Variants in NPAS3 observed in about 807,000 individuals in gnomAD.
NPAS3 encodes the protein neuronal PAS domain-containing protein 3.
In NPAS3, 14 loss-of-function variants were observed where a neutral mutation model predicts 73.1. The observed-to-expected ratio is 0.19, with a 90% confidence interval of 0.13 to 0.30. The LOEUF (loss-of-function observed/expected upper bound fraction) is 0.30. Ranked by LOEUF, NPAS3 falls within the 10% of genes least tolerant of loss-of-function variation. The probability of loss-of-function intolerance (pLI) is 1.00; values close to 1 mark genes in which losing one functional copy is unlikely to be tolerated. For missense variants in NPAS3, 1,096 were observed against 1,250.0 expected (o/e 0.88, Z 1.86); for synonymous variants, 620 against 541.5 (o/e 1.14, Z -2.01).
At chr14:33,752,913 A>G (rs769494143) in intron 7 of NPAS3, among the ~76,000 whole-genome samples, 19 of 152,140 alleles carry the variant, frequency 1.2e-4, no homozygotes, top group Non-Finnish European at 2.4e-4. Context: ...TAATATGGGC[A>G]CTTAGCAAGA....
intron 3 of NPAS3, among the ~76,000 whole-genome samples, chr14:33,236,700 G>A (rs1271932172): frequency 2.0e-5 from 3 of 151,664 alleles, no homozygotes; most frequent in Non-Finnish European, 4.4e-5. Flanking sequence ...GACATTCCCA[G>A]GTCTGGCTTC....
At chr14:33,110,764 C>G (rs950820551) in intron 2 of NPAS3, among the ~76,000 whole-genome samples, 1 of 151,904 alleles carries the variant, frequency 6.6e-6, no homozygotes, top group African/African-American at 2.4e-5. Flanking sequence ...ATTTCTATAT[C>G]TCTAGGTTCA....
intron 3 of NPAS3, among the ~76,000 whole-genome samples, chr14:33,293,582 T>C (rs888802017): frequency 2.0e-5 from 3 of 152,266 alleles, no homozygotes; most frequent in East Asian, 1.9e-4. Context: ...TTCAATAATA[T>C]GGTGGAAAGC....
chr14:33,655,321 A>ACCT (rs2059113649), intron 5 of NPAS3, among the ~76,000 whole-genome samples: 1 of 136,328 alleles, frequency 7.3e-6, no homozygotes, highest in Admixed American at 7.5e-5. Flanking sequence ...TTCTCTATAT[A>ACCT]CCTTTGGCTC....
At chr14:33,744,798 A>AAAT (rs577889559) in intron 7 of NPAS3, among the ~76,000 whole-genome samples, 371 of 151,608 alleles carry the variant, frequency 2.4e-3, no homozygotes, top group African/African-American at 8.1e-3. Context: ...CCAAAAAAGC[A>AAAT]AATAATAATA....
chr14:33,552,617 C>T (rs558687971), intron 4 of NPAS3, among the ~76,000 whole-genome samples: 4 of 151,006 alleles, frequency 2.6e-5, no homozygotes, highest in Admixed American at 6.6e-5. Flanking sequence ...TTCCAGTAGT[C>T]TATATTCGAC....
chr14:33,358,393 G>C (rs1321442041), intron 3 of NPAS3, among the ~76,000 whole-genome samples: 2 of 152,158 alleles, frequency 1.3e-5, no homozygotes, highest in Non-Finnish European at 2.9e-5. Flanking sequence ...CTAAGAATAT[G>C]ACAGTCCATC....
At chr14:33,029,398 A>G (rs1473553959) in intron 1 of NPAS3, among the ~76,000 whole-genome samples, 2 of 152,188 alleles carry the variant, frequency 1.3e-5, no homozygotes, top group African/African-American at 4.8e-5. Flanking sequence ...GAAGGGGATC[A>G]TCTAATAATC....
intron 4 of NPAS3, among the ~76,000 whole-genome samples, chr14:33,371,035 A>G (rs148899298): frequency 1.1e-3 from 165 of 152,286 alleles, no homozygotes; most frequent in Non-Finnish European, 1.9e-3. Flanking sequence ...TTACAGCCCT[A>G]TGGAAATGAT....
intron 3 of NPAS3, among the ~76,000 whole-genome samples, chr14:33,268,641 C>G (rs1256413286): frequency 2.6e-5 from 4 of 152,186 alleles, no homozygotes; most frequent in Non-Finnish European, 5.9e-5. Flanking sequence ...ATGCCTATCA[C>G]TTACTGAACA....
chr14:33,362,696 C>A (rs2045659245), intron 3 of NPAS3, among the ~76,000 whole-genome samples: 1 of 152,066 alleles, frequency 6.6e-6, no homozygotes, highest in Non-Finnish European at 1.5e-5. Context: ...GGGCATGAAG[C>A]CTGCCTTTTT....
chr14:33,034,610 G>T (rs1195650897), intron 1 of NPAS3, among the ~76,000 whole-genome samples: 1 of 151,934 alleles, frequency 6.6e-6, no homozygotes, highest in African/African-American at 2.4e-5. Flanking sequence ...ATAGAAAATA[G>T]AATATATTTT....
intron 3 of NPAS3, among the ~76,000 whole-genome samples, chr14:33,363,922 C>CTCTGTGTG (rs2045717223): frequency 6.7e-6 from 1 of 148,772 alleles, no homozygotes; most frequent in Non-Finnish European, 1.5e-5. Context: ...GCAATGCCCT[C>CTCTGTGTG]TGTGTGTGTG....
chr14:32,975,779 A>G (rs1215865000), intron 1 of NPAS3, among the ~76,000 whole-genome samples: 1 of 152,122 alleles, frequency 6.6e-6, no homozygotes, highest in Non-Finnish European at 1.5e-5. Flanking sequence ...AGCAACAAAC[A>G]GCTCTGCATG....
At chr14:33,341,059 ACT>A (rs2044455258) in intron 3 of NPAS3, among the ~76,000 whole-genome samples, 1 of 152,170 alleles carries the variant, frequency 6.6e-6, no homozygotes. Context: ...ACTGTGCCAA[ACT>A]CTACTTCAAC....
intron 3 of NPAS3, among the ~76,000 whole-genome samples, chr14:33,252,677 C>A (rs2048632972): frequency 6.6e-6 from 1 of 151,240 alleles, no homozygotes; most frequent in South Asian, 2.1e-4. Context: ...GGTATATGTG[C>A]ATGTTTGTTA....
intron 1 of NPAS3, among the ~76,000 whole-genome samples, chr14:32,949,947 T>C (rs984299491): frequency 6.6e-6 from 1 of 152,024 alleles, no homozygotes; most frequent in African/African-American, 2.4e-5. Flanking sequence ...TTGAAGAGAT[T>C]TTGGAATTTT....
chr14:33,065,634 TCAC>T (rs1304511652), intron 2 of NPAS3, among the ~76,000 whole-genome samples: 2 of 152,072 alleles, frequency 1.3e-5, no homozygotes, highest in Admixed American at 6.6e-5. Flanking sequence ...AAATAGACTA[TCAC>T]CACATCTTAT....
At chr14:33,094,322 A>G (rs1275334303) in intron 2 of NPAS3, among the ~76,000 whole-genome samples, 1 of 152,178 alleles carries the variant, frequency 6.6e-6, no homozygotes, top group Non-Finnish European at 1.5e-5. Flanking sequence ...GCTTTTAGTT[A>G]TTCAATTTAT....
Sources: gnomAD v4.1 joint callset for allele counts (sites outside exome capture counted in the v4.1 genomes callset) on GRCh38, gnomAD v4.1.1 for gene constraint, MANE v1.5 for transcripts, NCBI Gene and HGNC (gene_info 2026-07-23, HGNC 2026-07-21) for gene names.